Variants in PARD3 observed in about 807,000 individuals in gnomAD.
The protein encoded by PARD3 is partitioning defective 3 homolog.
A neutral mutation model predicts 155.4 loss-of-function variants in PARD3; 75 were observed. The ratio of observed to expected loss-of-function variants is 0.48; its 90% CI spans 0.40 to 0.58. The LOEUF is 0.58. Among genes scored for constraint, PARD3 ranks in the 20% least tolerant of loss-of-function variants. The pLI, the probability that PARD3 is intolerant of heterozygous loss-of-function variation, is 0.00. For synonymous variants in PARD3, 576 were observed against 610.5 expected (o/e 0.94, Z 0.83); for missense variants, 1,642 against 1,721.7 (o/e 0.95, Z 0.82).
At position 34,561,984 on chromosome 10, in the gene PARD3, A is replaced by T. The variant is rs556347445; in HGVS notation, c.223-44825T>A. ...CCATCTCTACTAAAAATACAAAAAAATTAGCTGGGTATGGTGGCAGGCGCC... is the reference window on the plus strand; with the variant it reads ...CCATCTCTACTAAAAATACAAAAAATTTAGCTGGGTATGGTGGCAGGCGCC... On this transcript the variant is annotated intron_variant, in intron 2 of 24. Coordinates refer to ENST00000374788, the MANE Select transcript of PARD3 (RefSeq NM_001184785.2). Among the ~76,000 whole-genome samples the T allele has an allele frequency of 2.6e-3, 390 of 149,274 alleles. 1 individual carries two copies. The highest frequency in any genetic ancestry group is 4.7e-3 in the Non-Finnish European group (317 of 67,194).
At chr10:34,258,512 T>C (rs1954777644) in intron 22 of PARD3, among the ~76,000 whole-genome samples, 1 of 152,284 alleles carries the variant, frequency 6.6e-6, no homozygotes, top group African/African-American at 2.4e-5. Flanking sequence ...TGATGAATTC[T>C]GTTTTAGATC....
intron 1 of PARD3, among the ~76,000 whole-genome samples, chr10:34,702,679 A>G (rs1331195768): frequency 2.6e-5 from 4 of 152,166 alleles, no homozygotes; most frequent in Admixed American, 6.5e-5. Flanking sequence ...TATCCCCCCA[A>G]GGCTAGAGGT....
At chr10:34,411,369 A>G (rs1845030547) in intron 5 of PARD3, among the ~76,000 whole-genome samples, 1 of 152,192 alleles carries the variant, frequency 6.6e-6, no homozygotes, top group Admixed American at 6.5e-5. Context: ...TGTGTCTGCC[A>G]GGGTGTTTTT....
At chr10:34,590,413 G>C (rs961984058) in intron 2 of PARD3, among the ~76,000 whole-genome samples, 1 of 152,118 alleles carries the variant, frequency 6.6e-6, no homozygotes, top group African/African-American at 2.4e-5. Context: ...TCCCTTGGAG[G>C]GAAAGGACAG....
intron 5 of PARD3, among the ~76,000 whole-genome samples, chr10:34,444,961 A>G (rs2076662309): frequency 6.6e-6 from 1 of 152,200 alleles, no homozygotes; most frequent in African/African-American, 2.4e-5. Context: ...CTGGAGGCAC[A>G]TAAAATCTAG....
intron 2 of PARD3, among the ~76,000 whole-genome samples, chr10:34,531,720 A>G (rs528231162): frequency 5.9e-5 from 9 of 152,274 alleles, no homozygotes; most frequent in East Asian, 3.9e-4. Flanking sequence ...TCTATGGTAC[A>G]TATCAACTCT....
chr10:34,435,018 T>C lies in PARD3; in HGVS notation c.714+15299A>G, dbSNP rs528163928. On this transcript the variant is annotated intron_variant, in intron 5 of 24. Transcript: ENST00000374788. ...ACATATAAGAGATAGAAAACCAAAA[T>C]AAATAAAGGTATCAGGGAACGGTAA... Among the ~76,000 whole-genome samples the C allele has an allele frequency of 2.0e-5, 3 of 152,252 alleles. No homozygotes were observed. In the South Asian group the frequency reaches 6.2e-4, roughly 32 times the overall value.
Position 34,325,950 on chromosome 10 carries a change from G to A in PARD3, c.2833+5167C>T, listed in dbSNP as rs533536629. Among the ~76,000 whole-genome samples, 3 of 151,376 alleles carry A rather than the reference G, an allele frequency of 2.0e-5. No individual in the cohort carries two copies. In the Middle Eastern group the frequency reaches 0.01, roughly 518 times the overall value. ...AGCCTGGCCAACATGGTGAAACCCC[G>A]TCTCTACTAAAAATACAAAAATCAC... is the stretch of plus-strand genomic sequence containing the variant. On this transcript the variant is annotated intron_variant, in intron 19 of 24. Coordinates refer to ENST00000374788, the MANE Select transcript of PARD3 (RefSeq NM_001184785.2).
intron 2 of PARD3, among the ~76,000 whole-genome samples, chr10:34,662,390 A>G (rs1302560851): frequency 6.6e-6 from 1 of 152,244 alleles, no homozygotes; most frequent in Non-Finnish European, 1.5e-5. Flanking sequence ...TGATCCAGCA[A>G]TCACACTGCT....
intron 2 of PARD3, among the ~76,000 whole-genome samples, chr10:34,618,302 C>G (rs1180333773): frequency 6.6e-6 from 1 of 152,206 alleles, no homozygotes; most frequent in Non-Finnish European, 1.5e-5. Context: ...ATGTGCAAGT[C>G]TCCAAGCTCC....
At chr10:34,463,932 T>C (rs2077842861) in intron 4 of PARD3, among the ~76,000 whole-genome samples, 1 of 152,184 alleles carries the variant, frequency 6.6e-6, no homozygotes, top group Non-Finnish European at 1.5e-5. Context: ...AACCTAGGTG[T>C]GTTGTAGGCT....
intron 2 of PARD3, among the ~76,000 whole-genome samples, chr10:34,614,547 A>C (rs1387893467): frequency 6.6e-6 from 1 of 152,230 alleles, no homozygotes; most frequent in Non-Finnish European, 1.5e-5. Flanking sequence ...GCATAAACAT[A>C]ACTAAACATA....
chr10:34,276,469 A>G (rs1955884665), intron 21 of PARD3, among the ~76,000 whole-genome samples: 1 of 152,176 alleles, frequency 6.6e-6, no homozygotes, highest in African/African-American at 2.4e-5. Context: ...TCTAATTAAA[A>G]TGGATGACGC....
intron 2 of PARD3, among the ~76,000 whole-genome samples, chr10:34,567,790 T>C (rs967735996): frequency 2.0e-5 from 3 of 152,218 alleles, no homozygotes; most frequent in African/African-American, 7.2e-5. Context: ...AAGCTATCAA[T>C]ATTGTACCAA....
At chr10:34,496,451 T>C (rs1457887669) in intron 3 of PARD3, among the ~76,000 whole-genome samples, 1 of 152,148 alleles carries the variant, frequency 6.6e-6, no homozygotes, top group Non-Finnish European at 1.5e-5. Flanking sequence ...CACAAAATGA[T>C]GAACAACCAC....
intron 22 of PARD3, among the ~76,000 whole-genome samples, chr10:34,168,052 T>C (rs111813508): frequency 5.8e-5 from 2 of 34,434 alleles, no homozygotes; most frequent in African/African-American, 2.7e-4. Context: ...CTTAATATGG[T>C]TTTTTTCTTT....
At chr10:34,200,308 A>G (rs1951151423) in intron 22 of PARD3, among the ~76,000 whole-genome samples, 1 of 151,894 alleles carries the variant, frequency 6.6e-6, no homozygotes, top group South Asian at 2.1e-4. Flanking sequence ...GACTTCCAAC[A>G]CCTCTTAAGC....
intron 20 of PARD3, among the ~76,000 whole-genome samples, chr10:34,304,429 G>T (rs1957301460): frequency 6.6e-6 from 1 of 152,098 alleles, no homozygotes; most frequent in Non-Finnish European, 1.5e-5. Context: ...GTGAAAGTCA[G>T]GTTCAAAAAA....
intron 5 of PARD3, among the ~76,000 whole-genome samples, chr10:34,419,601 T>C (rs999763038): frequency 6.6e-6 from 1 of 152,200 alleles, no homozygotes; most frequent in African/African-American, 2.4e-5. Context: ...TTGGAGTGTA[T>C]GTATGTCTAT....
Sources: allele counts gnomAD v4.1 joint callset (sites outside exome capture counted in the v4.1 genomes callset), GRCh38; gene constraint gnomAD v4.1.1; transcripts MANE v1.5; gene names NCBI Gene and HGNC (gene_info 2026-07-23, HGNC 2026-07-21).